DESI2: variants seen among roughly 807,000 people sequenced by gnomAD.
DESI2 encodes deubiquitinase DESI2.
Under a neutral mutation model 24.1 loss-of-function variants are expected in DESI2, and 10 were observed. That is an observed-to-expected ratio of 0.41 (90% CI 0.26 to 0.70). The LOEUF (loss-of-function observed/expected upper bound fraction) is 0.70. Among genes scored for constraint, DESI2 ranks in the 30% least tolerant of loss-of-function variants. DESI2 has a pLI of 0.29. For missense variants in DESI2, 122 were observed against 234.9 expected, an observed-to-expected ratio of 0.52 and a Z score of 3.14; for synonymous variants, 71 against 87.7, an observed-to-expected ratio of 0.81 and a Z score of 1.06.
chr1:244,671,101 TCTA>T (rs1676228568), intron 1 of DESI2, among the ~76,000 whole-genome samples: 1 of 152,238 alleles, frequency 6.6e-6, no homozygotes, highest in African/African-American at 2.4e-5. Flanking sequence ...TGGTAACTCT[TCTA>T]CTGTTTCGCG....
chr1:244,690,708 CAA>C (rs34260121), intron 3 of DESI2, among the ~76,000 whole-genome samples: 36 of 70,306 alleles, frequency 5.1e-4, no homozygotes, highest in Admixed American at 4.6e-4. Flanking sequence ...TCCGTCTCAC[CAA>C]AAAAAAAAAA....
At chr1:244,691,511 G>A (rs1677030981) in intron 3 of DESI2, among the ~76,000 whole-genome samples, 1 of 152,214 alleles carries the variant, frequency 6.6e-6, no homozygotes, top group Non-Finnish European at 1.5e-5. Flanking sequence ...AATGGCAAGT[G>A]AAATTACGCA....
At chr1:244,661,711 C>T (rs1295822175) in intron 1 of DESI2, among the ~76,000 whole-genome samples, 2 of 152,134 alleles carry the variant, frequency 1.3e-5, no homozygotes, top group Non-Finnish European at 2.9e-5. Context: ...TTTCCAGCTT[C>T]ATCCATGTCC....
chr1:244,663,970 AT>A (rs1280559129), intron 1 of DESI2, among the ~76,000 whole-genome samples: 1 of 139,418 alleles, frequency 7.2e-6, no homozygotes, highest in Non-Finnish European at 1.5e-5. Flanking sequence ...GTGAGCCGAG[AT>A]TGCGCCACTG....
intron 4 of DESI2, among the ~76,000 whole-genome samples, chr1:244,697,070 C>T (rs1364467214): frequency 6.6e-6 from 1 of 152,044 alleles, no homozygotes; most frequent in Non-Finnish European, 1.5e-5. Flanking sequence ...GGACTTTGCC[C>T]CAAGTATATT....
At chr1:244,698,305 TATG>T (rs1677300878) in intron 4 of DESI2, among the ~76,000 whole-genome samples, 2 of 152,244 alleles carry the variant, frequency 1.3e-5, no homozygotes, top group African/African-American at 4.8e-5. Flanking sequence ...TGATATTTAC[TATG>T]ATTTTTGCCC....
intron 1 of DESI2, 144 bp downstream of exon 1, chr1:244,653,499 GGA>G: frequency 2.7e-6 from 2 of 754,646 alleles, no homozygotes; most frequent in Non-Finnish European, 4.1e-6. Context: ...GGTGAAGGAG[GGA>G]GTATTGTTAT....
At chr1:244,693,762 A>C (rs1677110936) in intron 4 of DESI2, among the ~76,000 whole-genome samples, 2 of 152,214 alleles carry the variant, frequency 1.3e-5, no homozygotes, top group South Asian at 4.1e-4. Flanking sequence ...GAAGACCCAG[A>C]AGTTAAGTGA....
At chr1:244,687,856 A>G (rs1439967844) in intron 2 of DESI2, among the ~76,000 whole-genome samples, 1 of 152,158 alleles carries the variant, frequency 6.6e-6, no homozygotes, top group Non-Finnish European at 1.5e-5. Flanking sequence ...CCAAATTTGC[A>G]TGTGTATTTC....
At position 244,653,303 on chromosome 1, in the gene DESI2, C is replaced by T. The variant is rs747190113; in HGVS notation, c.-11C>T. On this transcript the variant is annotated 5_prime_UTR_variant, in exon 1 of 5. Transcript: ENST00000302550. ...CGGCTTGAGGACGAGGCGGCGGCCG[C>T]GGGGAGGAGGATGGGGGCTAACCAG... 34 of 1,493,598 alleles carry T rather than the reference C, an allele frequency of 2.3e-5. No individual in the cohort carries two copies. The South Asian group carries it at 4.4e-4, about 19-fold the overall frequency. The allele number at this position is 1,493,598 out of a possible 1,614,324, so 92.5% of individuals were successfully genotyped here. A position where few individuals can be genotyped will look rare whatever the true frequency, so the allele number is the denominator to read the frequency against.
intron 1 of DESI2, chr1:244,653,906 G>GTTAAA (rs1332965539): frequency 2.1e-6 from 1 of 471,102 alleles, no homozygotes; most frequent in Non-Finnish European, 4.4e-6. Flanking sequence ...TTCCTTGTGT[G>GTTAAA]TTAAAGGCAA....
rs3795479 is a variant in DESI2 at position 244,707,739 on chromosome 1, T to A, written c.*1950T>A. 43,144 of 152,128 alleles carry A rather than the reference T, an allele frequency of 0.28. 6,484 individuals are homozygous for A. The highest frequency in any genetic ancestry group is 0.39 in the African/African-American group (16,007 of 41,454). The allele number at this position is 152,128 out of a possible 1,614,324, so 9.4% of individuals were successfully genotyped here. A position where few individuals can be genotyped will look rare whatever the true frequency, so the allele number is the denominator to read the frequency against. On this transcript the variant is annotated 3_prime_UTR_variant, in exon 5 of 5. Transcript: ENST00000302550. ...CACACACAGTAGCCATTAGTTAGAC[T>A]CTTCTTAGTGAATATCAGGAACATC...
At chr1:244,682,108 A>G (rs1399687073) in intron 1 of DESI2, among the ~76,000 whole-genome samples, 2 of 152,206 alleles carry the variant, frequency 1.3e-5, no homozygotes, top group African/African-American at 4.8e-5. Flanking sequence ...CCAAAGAGTG[A>G]GCAGCAGCAA....
intron 1 of DESI2, among the ~76,000 whole-genome samples, chr1:244,677,065 T>C (rs1223441465): frequency 6.6e-6 from 1 of 152,038 alleles, no homozygotes; most frequent in African/African-American, 2.4e-5. Context: ...ATCAGGTTTA[T>C]CTGGCCTCAT....
At position 244,689,223 on chromosome 1, in the gene DESI2, A is replaced by G. The variant is rs1471274469; in HGVS notation, c.116-26A>G. On this transcript the variant is annotated intron_variant, in intron 2 of 4. Coordinates refer to ENST00000302550, the MANE Select transcript of DESI2 (RefSeq NM_016076.5). The surrounding 1 kb of genome is among the most constrained non-coding windows in gnomAD (Gnocchi z 4.0). ...GGTTAAATTTTATGTGATACATACT[A>G]AAAATCATGAGTTTTCTCTTTTCAG... The G allele has an allele frequency of 8.3e-7, 1 of 1,208,468 alleles. No homozygotes were observed. Among genetic ancestry groups the G allele is most frequent in the Admixed American group, 1.7e-5 (1 of 57,982 alleles). 74.9% of individuals were successfully genotyped at this position (1,208,468 alleles called of 1,614,324 possible). A position where few individuals can be genotyped will look rare whatever the true frequency, so the allele number is the denominator to read the frequency against.
At position 244,689,843 on chromosome 1, in the gene DESI2, A is replaced by T. The variant is rs548071684; in HGVS notation, c.209+501A>T. Among the ~76,000 whole-genome samples the T allele has an allele frequency of 4.4e-4, 67 of 152,216 alleles. No homozygotes were observed. Among genetic ancestry groups the T allele is most frequent in the Admixed American group, 1.2e-3 (19 of 15,284 alleles). On this transcript the variant is annotated intron_variant, in intron 3 of 4. Coordinates refer to ENST00000302550, the MANE Select transcript of DESI2 (RefSeq NM_016076.5). This position sits in a 1 kb window ranked among gnomAD's most constrained non-coding sequence, Gnocchi z 4.0. ...TCCTTTCTAATGATTTCTTCCCCTC[A>T]ATCTCCTGTTTGAAAGGAGAAAAAG...
At chr1:244,687,788 A>G (rs1676873842) in intron 2 of DESI2, among the ~76,000 whole-genome samples, 2 of 152,176 alleles carry the variant, frequency 1.3e-5, no homozygotes, top group South Asian at 4.1e-4. Flanking sequence ...GCTTGGGAGT[A>G]TTGCTGTGGG....
chr1:244,704,445 G>C (rs72759465), intron 4 of DESI2, among the ~76,000 whole-genome samples: 1 of 152,138 alleles, frequency 6.6e-6, no homozygotes, highest in Non-Finnish European at 1.5e-5. Context: ...AAATAGGAGC[G>C]GGGGGAAGGG....
At chr1:244,670,209 G>A (rs1026983741) in intron 1 of DESI2, among the ~76,000 whole-genome samples, 5 of 151,970 alleles carry the variant, frequency 3.3e-5, no homozygotes, top group Non-Finnish European at 2.9e-5. Context: ...CACCTGCCTC[G>A]GCCTCCCACA....
Sources: gnomAD v4.1 joint callset for allele counts (sites outside exome capture counted in the v4.1 genomes callset) on GRCh38, gnomAD v4.1.1 for gene constraint, Gnocchi (gnomAD v3.1) non-coding constraint, MANE v1.5 for transcripts, NCBI Gene and HGNC (gene_info 2026-07-23, HGNC 2026-07-21) for gene names.